DNAH8: variants seen among roughly 807,000 people sequenced by gnomAD.
DNAH8 encodes the protein dynein axonemal heavy chain 8, also known as axonemal beta dynein heavy chain 8.
Under a neutral mutation model 562.1 loss-of-function variants are expected in DNAH8, and 382 were observed. The ratio of observed to expected loss-of-function variants is 0.68; its 90% CI spans 0.63 to 0.74. DNAH8 has a LOEUF of 0.74. DNAH8 is among the 30% of genes least tolerant of loss of function. DNAH8 has a pLI of 0.00. For missense variants in DNAH8, 5,203 were observed against 5,620.4 expected, an observed-to-expected ratio of 0.93 and a Z score of 2.37; for synonymous variants, 1,881 against 1,919.4, an observed-to-expected ratio of 0.98 and a Z score of 0.52.
At chr6:38,999,538 C>A (rs1464501487) in intron 88 of DNAH8, among the ~76,000 whole-genome samples, 1 of 151,818 alleles carries the variant, frequency 6.6e-6, no homozygotes, top group Non-Finnish European at 1.5e-5. Context: ...AATAGTTTTA[C>A]TTCACTCTCA....
At chr6:38,715,643 C>CA (rs1762215089) in intron 1 of DNAH8, among the ~76,000 whole-genome samples, 1 of 152,070 alleles carries the variant, frequency 6.6e-6, no homozygotes, top group Non-Finnish European at 1.5e-5. Flanking sequence ...ACTTCACACC[C>CA]ACTCCCCGTT....
At chr6:38,969,433 G>A (rs1200791530) in intron 82 of DNAH8, among the ~76,000 whole-genome samples, 1 of 152,046 alleles carries the variant, frequency 6.6e-6, no homozygotes, top group East Asian at 1.9e-4. Context: ...TGATAAACAA[G>A]GTAGTACATA....
In DNAH8 at chr6:38,853,304, C is replaced by A; in HGVS notation, c.5690C>A (p.Ser1897Ter). The A allele has an allele frequency of 6.2e-7, 1 of 1,613,352 alleles. No homozygotes were observed. The highest frequency in any genetic ancestry group is 1.1e-5 in the South Asian group (1 of 90,932). ...IRSAFYQISD[S>*]GFQLLPFLSH... ...TCCGCTTTCTATCAAATCAGTGATT[C>A]AGGATTTCAACTCTTACCATTCCTC... The change falls in exon 41 of 93, where the codon TCA (serine) becomes TAA (stop). Residue 1897 changes from serine to a stop codon, truncating the protein, a stop_gained. Coordinates refer to ENST00000327475, the MANE Select transcript of DNAH8 (RefSeq NM_001206927.2). LOFTEE classifies it high-confidence loss of function.
chr6:38,750,112 G>T (rs559697961), intron 8 of DNAH8, among the ~76,000 whole-genome samples: 2 of 152,194 alleles, frequency 1.3e-5, no homozygotes, highest in African/African-American at 4.8e-5. Flanking sequence ...GATTACAGGC[G>T]TAAGCCACCA....
rs187503090 is a variant in DNAH8, at chr6:38,941,237, G to A, written c.12007+2249G>A. On this transcript the variant is annotated intron_variant, in intron 79 of 92. Transcript: ENST00000327475. ...AAAGCTAATCTAGGGAAAAAATGTG[G>A]AGTATTTCTAACCCACAAGGTGATA... Among the ~76,000 whole-genome samples the A allele has an allele frequency of 3.3e-5, 5 of 152,240 alleles. 1 individual carries two copies. The East Asian group carries it at 9.6e-4, about 29-fold the overall frequency.
chr6:38,768,260 T>C (rs191699981), intron 11 of DNAH8, among the ~76,000 whole-genome samples: 4 of 152,268 alleles, frequency 2.6e-5, no homozygotes, highest in African/African-American at 7.2e-5. Context: ...CTTATTTGTC[T>C]ATTTATTTAT....
intron 79 of DNAH8, among the ~76,000 whole-genome samples, chr6:38,941,246 TA>T (rs1783433871): frequency 6.6e-6 from 1 of 152,232 alleles, no homozygotes; most frequent in Non-Finnish European, 1.5e-5. Flanking sequence ...GGAGTATTTC[TA>T]ACCCACAAGG....
intron 66 of DNAH8, among the ~76,000 whole-genome samples, 161 bp downstream of exon 66, chr6:38,911,747 A>G (rs1047601460): frequency 6.6e-6 from 1 of 152,210 alleles, no homozygotes; most frequent in African/African-American, 2.4e-5. Context: ...TGACCTGTCG[A>G]GAAACTCTGA....
intron 88 of DNAH8, among the ~76,000 whole-genome samples, chr6:39,003,727 A>T (rs1207155258): frequency 6.6e-6 from 1 of 152,218 alleles, no homozygotes; most frequent in East Asian, 1.9e-4. Flanking sequence ...ATAGATTTTT[A>T]TAAAGCTTTA....
chr6:38,929,546 C>T lies in DNAH8; in HGVS notation c.11154C>T (p.His3718=), dbSNP rs889960096. 1 of 1,612,868 alleles carries T rather than the reference C, an allele frequency of 6.2e-7. No homozygotes were observed. Among genetic ancestry groups the T allele is most frequent in the Admixed American group, 1.7e-5 (1 of 59,962 alleles). ...TSLNHKYFRT[H]LEDSLSLGRP... ...TGAACCATAAATATTTTCGCACACACTTGGAGGACAGCCTTTCCTTGGGCC... is the reference window on the plus strand; with the variant it reads ...TGAACCATAAATATTTTCGCACACATTTGGAGGACAGCCTTTCCTTGGGCC... Residue 3718 remains histidine, a synonymous_variant, in exon 75 of 93, where the codon CAC becomes CAT. Transcript: ENST00000327475.
chr6:38,915,853 TACAC>T (rs3047885), intron 68 of DNAH8, among the ~76,000 whole-genome samples: 2 of 150,850 alleles, frequency 1.3e-5, no homozygotes, highest in Non-Finnish European at 3.0e-5. Context: ...CACACACACA[TACAC>T]ACACACACAC....
At chr6:38,951,740 T>C (rs894397911) in intron 82 of DNAH8, among the ~76,000 whole-genome samples, 3 of 151,542 alleles carry the variant, frequency 2.0e-5, no homozygotes, top group Non-Finnish European at 2.9e-5. Context: ...CATATAGTGT[T>C]TTTTTTTTGA....
At chr6:38,807,080 T>C (rs1474387315) in intron 23 of DNAH8, among the ~76,000 whole-genome samples, 1 of 152,196 alleles carries the variant, frequency 6.6e-6, no homozygotes, top group Non-Finnish European at 1.5e-5. Flanking sequence ...CTCTGATCAA[T>C]AAACTTGGCT....
At chr6:38,762,750 G>T (rs143352212) in intron 11 of DNAH8, among the ~76,000 whole-genome samples, 6 of 152,236 alleles carry the variant, frequency 3.9e-5, no homozygotes, top group Non-Finnish European at 7.3e-5. Flanking sequence ...GTAGTGCCAA[G>T]GTGTGTGGCT....
At chr6:38,828,609 C>G (rs1773570179) in intron 30 of DNAH8, among the ~76,000 whole-genome samples, 1 of 152,132 alleles carries the variant, frequency 6.6e-6, no homozygotes, top group African/African-American at 2.4e-5. Flanking sequence ...TAGGCTATCC[C>G]TCTAGGTTTG....
rs1782567077 is a variant in DNAH8 at position 38,931,797 on chromosome 6, G to A, written c.11275-14G>A. 1 of 1,507,880 alleles carries A rather than the reference G, an allele frequency of 6.6e-7. No individual in the cohort carries two copies. The highest frequency in any genetic ancestry group is 8.9e-7 in the Non-Finnish European group (1 of 1,123,882). 93.4% of individuals were successfully genotyped at this position (1,507,880 alleles called of 1,614,324 possible). The stretch of plus-strand genomic sequence containing the variant: ...CTTTAAGCTGTTTTTAATTTTATAT[G>A]TGAATTTATGTAGGTGAAAGTCGGT... On this transcript the variant is annotated splice_polypyrimidine_tract_variant and intron_variant, in intron 75 of 92. Coordinates refer to ENST00000327475, the MANE Select transcript of DNAH8 (RefSeq NM_001206927.2).
At chr6:38,874,068 T>TTCTTTCTTTC (rs377254876) in intron 52 of DNAH8, among the ~76,000 whole-genome samples, 651 of 57,054 alleles carry the variant, frequency 0.011, 136 homozygotes, top group African/African-American at 0.035. Flanking sequence ...CTTTCTTTCT[T>TTCTTTCTTTC]TTTCTTTCTT....
At position 38,823,542 on chromosome 6, in the gene DNAH8, T is replaced by G. The variant is rs940227816; in HGVS notation, c.3721-20T>G. On this transcript the variant is annotated intron_variant, in intron 27 of 92. Coordinates refer to ENST00000327475, the MANE Select transcript of DNAH8 (RefSeq NM_001206927.2). Reference sequence around the variant, plus strand: ...TTATACTGTTAAAAAATTAAAATATTGACTATTTTCTTACCACAGGAATTT... The same window carrying G: ...TTATACTGTTAAAAAATTAAAATATGGACTATTTTCTTACCACAGGAATTT... The G allele has an allele frequency of 6.4e-7, 1 of 1,568,736 alleles. No individual in the cohort carries two copies. Among genetic ancestry groups the G allele is most frequent in the African/African-American group, 1.4e-5 (1 of 73,440 alleles).
At chr6:38,912,958 C>T (rs372201924) in intron 66 of DNAH8, among the ~76,000 whole-genome samples, 7 of 152,188 alleles carry the variant, frequency 4.6e-5, no homozygotes, top group African/African-American at 7.2e-5. Flanking sequence ...TACAGGCATG[C>T]GCCACCATGC....
Sources: gnomAD v4.1 joint callset for allele counts (sites outside exome capture counted in the v4.1 genomes callset) on GRCh38, gnomAD v4.1.1 for gene constraint, MANE v1.5 for transcripts, NCBI Gene and HGNC (gene_info 2026-07-23, HGNC 2026-07-21) for gene names.